HIVEP3: variants seen among roughly 807,000 people sequenced by gnomAD.
The protein encoded by HIVEP3 is transcription factor HIVEP3.
A neutral mutation model predicts 152.8 loss-of-function variants in HIVEP3; 49 were observed. The observed-to-expected ratio is 0.32, with a 90% CI of 0.26 to 0.41. HIVEP3 has a LOEUF of 0.41. Ranked by LOEUF, HIVEP3 falls within the 10% of genes least tolerant of loss-of-function variation. HIVEP3 has a pLI of 1.00. For missense variants in HIVEP3, 2,790 were observed against 3,103.3 expected (o/e 0.90, Z 2.40); for synonymous variants, 1,269 against 1,289.0 (o/e 0.98, Z 0.33).
intron 1 of HIVEP3, among the ~76,000 whole-genome samples, chr1:42,013,964 C>T (rs954789231): frequency 1.3e-5 from 2 of 152,166 alleles, no homozygotes; most frequent in Admixed American, 6.5e-5. Flanking sequence ...TATTTCCCCC[C>T]AAAGTTTCAA....
intron 6 of HIVEP3, among the ~76,000 whole-genome samples, chr1:41,521,749 T>C (rs1642764512): frequency 6.6e-6 from 1 of 152,172 alleles, no homozygotes; most frequent in African/African-American, 2.4e-5. Flanking sequence ...TAAAAGGGCA[T>C]CCACCAACAA....
At chr1:42,025,850 G>A (rs377643729) in intron 1 of HIVEP3, among the ~76,000 whole-genome samples, 13 of 152,176 alleles carry the variant, frequency 8.5e-5, no homozygotes, top group East Asian at 1.9e-4. Flanking sequence ...AGAACAGATC[G>A]CTTGAACCCA....
chr1:41,513,162 C>T lies in HIVEP3; in HGVS notation c.6059G>A (p.Gly2020Asp), dbSNP rs751693193. 3 of 1,613,862 alleles carry T rather than the reference C, an allele frequency of 1.9e-6. No individual in the cohort carries two copies. The highest frequency in any genetic ancestry group is 1.3e-5 in the African/African-American group (1 of 75,066). ...PPGLHVDPGR[G>D]MGALPCGSPR... ...AGACCCACAAGGGAGAGCGCCCATG[C>T]CCCTTCCTGGGTCCACGTGCAGGCC... Residue 2020 changes from glycine to aspartate, a missense_variant, in exon 8 of 9, where the codon GGC becomes GAC. Gly to Asp is a moderately conservative substitution (Grantham distance 94, BLOSUM62 -1). Around this residue, in one of 9 missense-constraint regions of HIVEP3, gnomAD observed 816 missense variants for 806.5 expected, o/e 1.01. Transcript: ENST00000372583.
chr1:41,523,280 G>A (rs1056512236), intron 6 of HIVEP3, among the ~76,000 whole-genome samples: 1 of 152,186 alleles, frequency 6.6e-6, no homozygotes, highest in African/African-American at 2.4e-5. Flanking sequence ...AGACACCTTC[G>A]AAGCACCCAT....
At chr1:41,954,307 G>T (rs1367788953) in intron 1 of HIVEP3, among the ~76,000 whole-genome samples, 1 of 152,196 alleles carries the variant, frequency 6.6e-6, no homozygotes, top group Non-Finnish European at 1.5e-5. Context: ...AAACCCCCAA[G>T]AACTCATTAG....
At chr1:41,530,512 CAG>C (rs993504480) in intron 5 of HIVEP3, among the ~76,000 whole-genome samples, 69 of 152,330 alleles carry the variant, frequency 4.5e-4, no homozygotes, top group African/African-American at 1.7e-3. Context: ...TAGAAGAAGA[CAG>C]AGTGAGGACA....
Position 41,689,344 on chromosome 1 carries a change from T to C in HIVEP3, c.-721+11572A>G, listed in dbSNP as rs149549918. On this transcript the variant is annotated intron_variant, in intron 2 of 8. Coordinates refer to ENST00000372583, the MANE Select transcript of HIVEP3 (RefSeq NM_024503.5). ...GTGCAAACCACGAGGGAATAGGCGC[T>C]GAGGGGCTCTCTCGGGAGTGAACTC... Among the ~76,000 whole-genome samples, 838 of 152,322 alleles carry C rather than the reference T, an allele frequency of 5.5e-3. 11 individuals carry two copies. Among genetic ancestry groups the C allele is most frequent in the African/African-American group, 0.019 (805 of 41,574 alleles).
chr1:41,941,066 C>T (rs1645043388), intron 1 of HIVEP3, among the ~76,000 whole-genome samples: 2 of 152,128 alleles, frequency 1.3e-5, no homozygotes, highest in Admixed American at 6.6e-5. Context: ...TCACTGAGGT[C>T]ACTGACAACC....
chr1:41,930,637 G>A (rs1644991850), intron 1 of HIVEP3, among the ~76,000 whole-genome samples: 2 of 152,016 alleles, frequency 1.3e-5, no homozygotes, highest in Non-Finnish European at 2.9e-5. Flanking sequence ...CCAAGGAGTG[G>A]GATTGCCGGG....
chr1:41,709,847 T>C (rs184457670), intron 1 of HIVEP3, among the ~76,000 whole-genome samples: 4 of 152,296 alleles, frequency 2.6e-5, no homozygotes, highest in Non-Finnish European at 1.5e-5. Context: ...ATGGGGTCAA[T>C]TGCAGCTTCT....
chr1:41,917,794 G>A (rs1161198230), intron 1 of HIVEP3, among the ~76,000 whole-genome samples: 2 of 152,056 alleles, frequency 1.3e-5, no homozygotes, highest in African/African-American at 4.8e-5. Flanking sequence ...TCAGGTTGGG[G>A]GTTGGGAAAT....
chr1:41,909,373 A>G (rs1381308310), intron 1 of HIVEP3, among the ~76,000 whole-genome samples: 1 of 152,180 alleles, frequency 6.6e-6, no homozygotes, highest in Non-Finnish European at 1.5e-5. Flanking sequence ...GACTAAAAGA[A>G]TTACTAAGGA....
chr1:41,566,669 C>A (rs1644168253), intron 5 of HIVEP3, among the ~76,000 whole-genome samples: 1 of 152,316 alleles, frequency 6.6e-6, no homozygotes, highest in East Asian at 1.9e-4. Flanking sequence ...AGTCACCAGT[C>A]ACCTGCACAG....
chr1:41,784,070 G>A (rs558394820), intron 1 of HIVEP3, among the ~76,000 whole-genome samples: 118 of 152,290 alleles, frequency 7.7e-4, no homozygotes, highest in African/African-American at 2.7e-3. Flanking sequence ...TTTGCAGAGG[G>A]GCAGACAGGC....
At chr1:41,558,964 A>G (rs1644012860) in intron 5 of HIVEP3, among the ~76,000 whole-genome samples, 1 of 150,540 alleles carries the variant, frequency 6.6e-6, no homozygotes, top group Non-Finnish European at 1.5e-5. Context: ...ATGCTGCCCC[A>G]CTCCAAGACT....
At chr1:41,929,560 T>C (rs919419054) in intron 1 of HIVEP3, among the ~76,000 whole-genome samples, 1 of 151,838 alleles carries the variant, frequency 6.6e-6, no homozygotes, top group Non-Finnish European at 1.5e-5. Flanking sequence ...TTGGGGAACC[T>C]GATGTGCTCA....
At chr1:41,654,024 T>C (rs542634230) in intron 2 of HIVEP3, among the ~76,000 whole-genome samples, 2 of 150,782 alleles carry the variant, frequency 1.3e-5, no homozygotes, top group East Asian at 3.9e-4. Flanking sequence ...CTGACTCTTC[T>C]GACTCTGTTC....
At position 41,580,833 on chromosome 1, in the gene HIVEP3, C is replaced by T. The variant is rs890516326; in HGVS notation, c.3965G>A (p.Arg1322His). ...ATAGGACGGCATATTGGTCTGAACACGGACAGGCACAACCAGGGACACCAT... is the reference window on the plus strand; with the variant it reads ...ATAGGACGGCATATTGGTCTGAACATGGACAGGCACAACCAGGGACACCAT... ...DTMVSLVVPV[R>H]VQTNMPSYGS... Residue 1322 changes from arginine to histidine, a missense_variant, in exon 4 of 9, where the codon CGT (arginine) becomes CAT (histidine). This residue lies in a region of HIVEP3 where 1,078 missense variants were observed against 1,165.3 expected (regional missense o/e 0.93). Transcript: ENST00000372583. The T allele has an allele frequency of 1.3e-5, 20 of 1,589,010 alleles. 1 individual carries two copies. The Middle Eastern group carries it at 5.1e-4, about 40-fold the overall frequency.
At chr1:41,692,816 TG>T (rs1646217098) in intron 2 of HIVEP3, among the ~76,000 whole-genome samples, 2 of 152,360 alleles carry the variant, frequency 1.3e-5, no homozygotes, top group South Asian at 4.1e-4. Context: ...GCTGCATCAC[TG>T]TGCACGTCTC....
Sources: gnomAD v4.1 joint callset for allele counts (sites outside exome capture counted in the v4.1 genomes callset) on GRCh38, gnomAD v4.1.1 for gene constraint, gnomAD v4.1.1 regional missense constraint, MANE v1.5 for transcripts, NCBI Gene and HGNC (gene_info 2026-07-23, HGNC 2026-07-21) for gene names.